Variants in OTUD7B observed in about 807,000 individuals in gnomAD.
The protein encoded by OTUD7B is OTU deubiquitinase 7B.
A neutral mutation model predicts 82.2 loss-of-function variants in OTUD7B; 34 were observed. The observed-to-expected ratio is 0.41, with a 90% CI of 0.31 to 0.55. The LOEUF (loss-of-function observed/expected upper bound fraction) is 0.55. OTUD7B is among the 20% of genes least tolerant of loss of function. OTUD7B has a pLI of 0.20. For synonymous variants in OTUD7B, 398 were observed against 402.7 expected (o/e 0.99, Z 0.14); for missense variants, 944 against 1,062.1 (o/e 0.89, Z 1.55).
At position 149,971,113 on chromosome 1, in the gene OTUD7B, G is replaced by A. The variant is rs1553777535; in HGVS notation, c.224C>T (p.Pro75Leu). Residue 75 changes from proline to leucine, a missense_variant, in exon 3 of 12, where the codon CCT (proline) becomes CTT (leucine). Pro to Leu is a moderately conservative substitution (Grantham distance 98). This residue lies in a region of OTUD7B where 530 missense variants were observed against 625.6 expected (regional missense o/e 0.85). Transcript: ENST00000581312. ...TPEKGFSDRE[P>L]TRPPRPILQR... is the part of the protein sequence containing the mutation. ...GAGGATGGGTCGGGGAGGGCGAGTA[G>A]GCTCTCTGTCAGAAAACCCTTTTTC... 3.7e-6 allele frequency: 6 copies of A among 1,613,430 alleles called. No individual in the cohort carries two copies. The highest frequency in any genetic ancestry group is 5.1e-6 in the Non-Finnish European group (6 of 1,179,466).
chr1:149,951,882 A>ACAT (rs2101753501), intron 7 of OTUD7B, among the ~76,000 whole-genome samples: 1 of 102,394 alleles, frequency 9.8e-6, no homozygotes, highest in Non-Finnish European at 1.9e-5. Flanking sequence ...AATTATAAAC[A>ACAT]CATGGTCAAC....
chr1:149,973,280 C>T (rs1337981951), intron 2 of OTUD7B, among the ~76,000 whole-genome samples: 1 of 152,006 alleles, frequency 6.6e-6, no homozygotes, highest in African/African-American at 2.4e-5. Flanking sequence ...TCCCATTAGC[C>T]AGGTGTGGTG....
chr1:150,018,095 G>A, the OTUD7B span, among the ~76,000 whole-genome samples: 4 of 152,272 alleles, frequency 2.6e-5, no homozygotes, highest in Middle Eastern at 3.4e-3. Flanking sequence ...AAAAAATTTA[G>A]AATTGAAAAG....
rs145785093 is a variant in OTUD7B, at chr1:149,960,615, C to G, written c.733-819G>C. Among the ~76,000 whole-genome samples, 42 of 151,826 alleles carry G rather than the reference C, an allele frequency of 2.8e-4. 1 individual carries two copies. The East Asian group carries it at 7.9e-3, about 29-fold the overall frequency. On this transcript the variant is annotated intron_variant, in intron 6 of 11. Transcript: ENST00000581312. ...GCCAGGCTGGTCTCGAACTCCTGAC[C>G]TGGTGATCTGCCTGTCTCAGCCACC... is the stretch of plus-strand genomic sequence containing the variant.
chr1:149,948,425 G>A (rs1199000876), intron 10 of OTUD7B, among the ~76,000 whole-genome samples: 3 of 142,780 alleles, frequency 2.1e-5, no homozygotes, highest in African/African-American at 7.9e-5. Context: ...AGGCTGTAGT[G>A]CAGTGGCACG....
intron 1 of OTUD7B, among the ~76,000 whole-genome samples, chr1:150,002,731 T>C (rs1381918637): frequency 2.6e-5 from 4 of 152,180 alleles, no homozygotes; most frequent in Non-Finnish European, 5.9e-5. Context: ...ACCTCAGGTA[T>C]TCTATTTGAA....
At chr1:150,054,916 C>G in the OTUD7B span, 1 of 268,472 alleles carries the variant, frequency 3.7e-6, no homozygotes, top group South Asian at 4.6e-5. Flanking sequence ...CAAGATTGAT[C>G]AAAAAGCTGT....
rs1553771764 is a variant in OTUD7B at position 149,944,971 on chromosome 1, C to A, written c.1418G>T (p.Gly473Val). 6.2e-7 allele frequency: 1 copy of A among 1,614,188 alleles called. No homozygotes were observed. Among genetic ancestry groups the A allele is most frequent in the East Asian group, 2.2e-5 (1 of 44,876 alleles). The stretch of plus-strand genomic sequence containing the variant: ...GCCCTCGTTGCTGGTGGAACTGCTG[C>A]CAACTGACTCCTTGTCTGAGTCTCC... ...ESGDSDKESV[G>V]SSSTSNEGGR... Residue 473 changes from glycine (G) to valine (V), a missense_variant, in exon 12 of 12, where the codon GGC becomes GTC. Physicochemically the swap from Gly to Val is moderately radical, Grantham distance 109. Around this residue, in one of 3 missense-constraint regions of OTUD7B, gnomAD observed 530 missense variants for 625.6 expected, o/e 0.85. Coordinates refer to ENST00000581312, the MANE Select transcript of OTUD7B (RefSeq NM_020205.4).
intron 1 of OTUD7B, among the ~76,000 whole-genome samples, chr1:149,991,857 T>C (rs1553782155): frequency 1.3e-5 from 2 of 152,162 alleles, no homozygotes; most frequent in South Asian, 2.1e-4. Context: ...CCTACAGATG[T>C]ATACCAAAGA....
chr1:150,010,252 G>C (rs1652950886), intron 1 of OTUD7B, among the ~76,000 whole-genome samples, 196 bp downstream of exon 1: 1 of 152,120 alleles, frequency 6.6e-6, no homozygotes, highest in Non-Finnish European at 1.5e-5. Context: ...AGGTGAAAGG[G>C]AGGAGGAAAG....
At chr1:149,993,357 C>G (rs1651725097) in intron 1 of OTUD7B, among the ~76,000 whole-genome samples, 1 of 152,186 alleles carries the variant, frequency 6.6e-6, no homozygotes, top group South Asian at 2.1e-4. Context: ...TAATGCCAGG[C>G]AGGCTGCTAA....
intron 1 of OTUD7B, among the ~76,000 whole-genome samples, chr1:150,005,560 C>G (rs1652604235): frequency 6.6e-6 from 1 of 151,018 alleles, no homozygotes; most frequent in African/African-American, 2.4e-5. Context: ...GGGAGAGTGG[C>G]AGGGATGGAG....
chr1:149,950,386 C>T (rs1648097134), intron 7 of OTUD7B, among the ~76,000 whole-genome samples, 165 bp from the exon 8 acceptor site: 1 of 145,698 alleles, frequency 6.9e-6, no homozygotes, highest in South Asian at 2.1e-4. Context: ...TTTATGCTAC[C>T]ATGGCTGTTT....
At chr1:149,949,568 A>G (rs587732300) in intron 9 of OTUD7B, 61 bp downstream of exon 9, 140 of 1,542,410 alleles carry the variant, frequency 9.1e-5, no homozygotes, top group Admixed American at 1.5e-4. Context: ...CTCCTACATT[A>G]GATCTCATTC....
intron 5 of OTUD7B, among the ~76,000 whole-genome samples, chr1:149,965,020 G>A (rs1374136049): frequency 6.6e-6 from 1 of 150,714 alleles, no homozygotes; most frequent in Non-Finnish European, 1.5e-5. Flanking sequence ...AGCCTCCCTA[G>A]TAGCTGGGAT....
intron 1 of OTUD7B, among the ~76,000 whole-genome samples, chr1:149,983,250 G>T (rs1390809120): frequency 2.0e-5 from 3 of 152,062 alleles, no homozygotes; most frequent in African/African-American, 7.2e-5. Flanking sequence ...GTGCCTTTGT[G>T]TGAGGCACTA....
chr1:149,976,336 A>G (rs1650304822), intron 2 of OTUD7B, among the ~76,000 whole-genome samples: 1 of 152,050 alleles, frequency 6.6e-6, no homozygotes, highest in Admixed American at 6.5e-5. Context: ...TCAGCCAGGC[A>G]TGGTGGCTCA....
the OTUD7B span, among the ~76,000 whole-genome samples, chr1:150,031,974 C>T: frequency 1.3e-5 from 2 of 152,098 alleles, no homozygotes; most frequent in East Asian, 3.8e-4. Flanking sequence ...AGTATTGGAA[C>T]CATTCTTTAC....
chr1:150,036,323 C>T, the OTUD7B span, among the ~76,000 whole-genome samples: 344 of 150,048 alleles, frequency 2.3e-3, 1 homozygote, highest in Non-Finnish European at 4.5e-3. Flanking sequence ...TGCAGTGGCG[C>T]GAGCTCGGCT....
Sources: gnomAD v4.1 joint callset for allele counts (sites outside exome capture counted in the v4.1 genomes callset) on GRCh38, gnomAD v4.1.1 for gene constraint, gnomAD v4.1.1 regional missense constraint, MANE v1.5 for transcripts, NCBI Gene and HGNC (gene_info 2026-07-23, HGNC 2026-07-21) for gene names.